The following CADPS variants were observed in gnomAD, a reference collection of about 807,000 sequenced individuals.
The protein encoded by CADPS is calcium dependent secretion activator.
A neutral mutation model predicts 167.3 loss-of-function variants in CADPS; 57 were observed. The ratio of observed to expected loss-of-function variants is 0.34; its 90% confidence interval spans 0.28 to 0.42. The LOEUF (loss-of-function observed/expected upper bound fraction) is 0.42. Ranked by LOEUF, CADPS falls within the 20% of genes least tolerant of loss-of-function variation. The pLI, the probability that CADPS is intolerant of heterozygous loss-of-function variation, is 1.00. For missense variants in CADPS, 1,414 were observed against 1,738.1 expected, an observed-to-expected ratio of 0.81 and a Z score of 3.32; for synonymous variants, 676 against 635.3, an observed-to-expected ratio of 1.06 and a Z score of -0.96.
At chr3:62,580,236 C>A (rs1236503618) in intron 8 of CADPS, among the ~76,000 whole-genome samples, 1 of 152,170 alleles carries the variant, frequency 6.6e-6, no homozygotes, top group Non-Finnish European at 1.5e-5. Context: ...CACATATACA[C>A]CATGGAATAC....
chr3:62,756,281 G>A (rs917805606), intron 2 of CADPS, among the ~76,000 whole-genome samples: 1 of 152,068 alleles, frequency 6.6e-6, no homozygotes, highest in Admixed American at 6.5e-5. Flanking sequence ...AGGCCAGGCT[G>A]GTCTCCAATT....
chr3:62,647,623 G>A (rs993676432), intron 5 of CADPS, among the ~76,000 whole-genome samples: 2 of 152,186 alleles, frequency 1.3e-5, no homozygotes, highest in Non-Finnish European at 2.9e-5. Context: ...TCCCGTGGCT[G>A]TTGTGTGAGG....
At chr3:62,415,064 G>T (rs2049768725) in intron 28 of CADPS, among the ~76,000 whole-genome samples, 1 of 152,120 alleles carries the variant, frequency 6.6e-6, no homozygotes, top group Admixed American at 6.5e-5. Context: ...CGAGGCACAG[G>T]CTTAATTTCT....
At chr3:62,444,430 G>A (rs1028792046) in intron 27 of CADPS, among the ~76,000 whole-genome samples, 1 of 152,128 alleles carries the variant, frequency 6.6e-6, no homozygotes, top group Non-Finnish European at 1.5e-5. Flanking sequence ...CATGACTTAG[G>A]TATTATCGTC....
In CADPS at chr3:62,874,841, G is replaced by C; in HGVS notation, c.189C>G (p.Gly63=). Residue 63 remains glycine, a synonymous_variant, in exon 1 of 30, where the codon GGC becomes GGG. Coordinates refer to ENST00000383710, the MANE Select transcript of CADPS (RefSeq NM_003716.4). The surrounding 1 kb of genome is among the most constrained non-coding windows in gnomAD (Gnocchi z 7.1). ...AGAGAGVGAG[G]GGGSGASSGG... The stretch of plus-strand genomic sequence containing the variant: ...CGCTGCTCGCGCCGCTGCCCCCGCC[G>C]CCGCCTGCACCCACCCCGGCTCCGG... 1.9e-6 allele frequency: 2 copies of C among 1,048,372 alleles called. No homozygotes were observed. Among genetic ancestry groups the C allele is most frequent in the Non-Finnish European group, 2.3e-6 (2 of 865,986 alleles). 64.9% of individuals were successfully genotyped at this position (1,048,372 alleles called of 1,614,324 possible). A position where few individuals can be genotyped will look rare whatever the true frequency, so the allele number is the denominator to read the frequency against.
intron 17 of CADPS, among the ~76,000 whole-genome samples, chr3:62,509,291 CA>C (rs756659299): frequency 1.5e-4 from 15 of 103,116 alleles, no homozygotes; most frequent in South Asian, 1.3e-3. Flanking sequence ...GACTCTGTCT[CA>C]AAAAAAAAAA....
intron 18 of CADPS, among the ~76,000 whole-genome samples, chr3:62,494,864 T>C (rs1319024196): frequency 1.3e-5 from 2 of 151,906 alleles, no homozygotes; most frequent in Non-Finnish European, 2.9e-5. Context: ...GGTTGCATCA[T>C]GTTGGCCAGG....
intron 26 of CADPS, among the ~76,000 whole-genome samples, chr3:62,463,878 C>G (rs115003672): frequency 1.3e-5 from 2 of 152,142 alleles, no homozygotes; most frequent in African/African-American, 4.8e-5. Context: ...TGAATTCAAT[C>G]CTCGTACCTG....
intron 3 of CADPS, among the ~76,000 whole-genome samples, chr3:62,728,383 T>C (rs2077145054): frequency 6.6e-6 from 1 of 151,814 alleles, no homozygotes; most frequent in Non-Finnish European, 1.5e-5. Context: ...AGGAAAATTT[T>C]TTCTATATCT....
chr3:62,634,478 G>A (rs961364465), intron 6 of CADPS, among the ~76,000 whole-genome samples: 2 of 152,152 alleles, frequency 1.3e-5, no homozygotes, highest in Non-Finnish European at 2.9e-5. Context: ...CATTTGGAAT[G>A]CTCACCTATT....
intron 7 of CADPS, among the ~76,000 whole-genome samples, chr3:62,590,440 C>G (rs192401531): frequency 6.6e-6 from 1 of 152,296 alleles, no homozygotes; most frequent in East Asian, 1.9e-4. Context: ...AAATGAGTAT[C>G]GTTTCTCAAA....
rs2051567497 is a variant in CADPS at position 62,422,184 on chromosome 3, C to G, written c.3777+15920G>C. Among the ~76,000 whole-genome samples the G allele has an allele frequency of 7.9e-5, 12 of 152,174 alleles. 1 individual carries two copies. Among genetic ancestry groups the G allele is most frequent in the Admixed American group, 7.9e-4 (12 of 15,278 alleles). On this transcript the variant is annotated intron_variant, in intron 28 of 29. Transcript: ENST00000383710. ...TTCCCTCACGTCCACATCCACTTAC[C>G]CTTCTGCCTCAGTTACCACTATTTG...
At chr3:62,530,594 A>G in intron 13 of CADPS, 1 of 1,034,414 alleles carries the variant, frequency 9.7e-7, no homozygotes, top group Non-Finnish European at 1.2e-6. Context: ...GCATGGATGG[A>G]GGCTTGGGGA....
chr3:62,550,288 T>C (rs1316938753), intron 10 of CADPS, among the ~76,000 whole-genome samples, 173 bp from the exon 11 acceptor site: 1 of 152,146 alleles, frequency 6.6e-6, no homozygotes, highest in Non-Finnish European at 1.5e-5. Flanking sequence ...GGGACCGTGA[T>C]GTTGAAGAAG....
intron 4 of CADPS, among the ~76,000 whole-genome samples, chr3:62,657,668 C>G (rs2072023491): frequency 6.6e-6 from 1 of 152,126 alleles, no homozygotes; most frequent in Non-Finnish European, 1.5e-5. Context: ...GACTGATGTT[C>G]ACAGTGAGAC....
chr3:62,856,781 T>C (rs2079773748), intron 1 of CADPS, among the ~76,000 whole-genome samples: 1 of 151,898 alleles, frequency 6.6e-6, no homozygotes, highest in Admixed American at 6.6e-5. Context: ...TCTATGATAT[T>C]GAACTGGCTA....
rs931740334 is a variant in CADPS at position 62,585,412 on chromosome 3, G to A, written c.1438-88C>T. On this transcript the variant is annotated intron_variant, in intron 7 of 29. Coordinates refer to ENST00000383710, the MANE Select transcript of CADPS (RefSeq NM_003716.4). ...AAACTTTGATTCTGAGTAGTGGAGT[G>A]ACTTGAACAATTCCCACTGTGGAGC... 10 of 1,353,538 alleles carry A rather than the reference G, an allele frequency of 7.4e-6. No homozygotes were observed. The African/African-American group carries it at 1.5e-4, about 20-fold the overall frequency. The allele number at this position is 1,353,538 out of a possible 1,614,324, so 83.8% of individuals were successfully genotyped here. A position where few individuals can be genotyped will look rare whatever the true frequency, so the allele number is the denominator to read the frequency against.
intron 3 of CADPS, among the ~76,000 whole-genome samples, chr3:62,722,984 GC>G (rs1377218511): frequency 6.6e-6 from 1 of 152,016 alleles, no homozygotes; most frequent in East Asian, 1.9e-4. Flanking sequence ...TGTCAAAATT[GC>G]CCCCAGTTGA....
chr3:62,520,866 C>T (rs887526468), intron 13 of CADPS, among the ~76,000 whole-genome samples: 6 of 152,208 alleles, frequency 3.9e-5, no homozygotes, highest in South Asian at 2.1e-4. Context: ...TCATTGTTTT[C>T]GAAAATTCTG....
Sources: allele counts gnomAD v4.1 joint callset (sites outside exome capture counted in the v4.1 genomes callset), GRCh38; gene constraint gnomAD v4.1.1; non-coding constraint Gnocchi (gnomAD v3.1); transcripts MANE v1.5; gene names NCBI Gene and HGNC (gene_info 2026-07-23, HGNC 2026-07-21).